NLRC5: variants seen among roughly 807,000 people sequenced by gnomAD.
NLRC5 encodes the protein NLR family CARD domain containing 5.
Under a neutral mutation model 206.9 loss-of-function variants are expected in NLRC5, and 114 were observed. The observed-to-expected ratio is 0.55, with a 90% CI of 0.47 to 0.64. The LOEUF is 0.64. Ranked by LOEUF, NLRC5 falls within the 30% of genes least tolerant of loss-of-function variation. The probability of loss-of-function intolerance (pLI) is 0.00; values close to 1 mark genes in which losing one functional copy is unlikely to be tolerated. For missense variants in NLRC5, 2,008 were observed against 2,305.5 expected (o/e 0.87, Z 2.64); for synonymous variants, 952 against 962.8 (o/e 0.99, Z 0.21).
intron 15 of NLRC5, among the ~76,000 whole-genome samples, chr16:57,039,223 T>C (rs758577947): frequency 6.6e-6 from 1 of 152,228 alleles, no homozygotes; most frequent in Non-Finnish European, 1.5e-5. Flanking sequence ...AGTCTGGGGC[T>C]AAAAGAGAGA....
intron 1 of NLRC5, among the ~76,000 whole-genome samples, chr16:57,011,681 A>G (rs944107550): frequency 6.6e-6 from 1 of 151,404 alleles, no homozygotes; most frequent in South Asian, 2.1e-4. Context: ...TGATTGCACC[A>G]CTGCACTCCA....
chr16:57,006,941 AT>A (rs1386674204), intron 1 of NLRC5, among the ~76,000 whole-genome samples: 13 of 144,816 alleles, frequency 9.0e-5, no homozygotes, highest in East Asian at 4.0e-4. Context: ...GGGAAGTTTC[AT>A]TTTTTTGTGA....
chr16:57,063,316 A>C (rs1291413780), intron 32 of NLRC5, among the ~76,000 whole-genome samples: 2 of 151,594 alleles, frequency 1.3e-5, no homozygotes, highest in South Asian at 4.2e-4. Flanking sequence ...GGGTTTCACC[A>C]TGTTGGCGAG....
intron 1 of NLRC5, among the ~76,000 whole-genome samples, chr16:56,994,784 G>T (rs2057401412): frequency 6.6e-6 from 1 of 151,770 alleles, no homozygotes; most frequent in Non-Finnish European, 1.5e-5. Flanking sequence ...AGAGGAGGGA[G>T]AAGAGGAGAA....
chr16:57,031,798 G>A (rs1192592649), intron 11 of NLRC5, among the ~76,000 whole-genome samples: 1 of 149,336 alleles, frequency 6.7e-6, no homozygotes, highest in Non-Finnish European at 1.5e-5. Flanking sequence ...AAAAGACAGG[G>A]AGGGCAATTA....
chr16:57,042,739 G>A (rs753827537), intron 19 of NLRC5, among the ~76,000 whole-genome samples: 4 of 152,170 alleles, frequency 2.6e-5, no homozygotes, highest in Non-Finnish European at 5.9e-5. Context: ...TCCCCTCTCC[G>A]AGTCCCTGGT....
intron 19 of NLRC5, among the ~76,000 whole-genome samples, chr16:57,042,449 G>A (rs2063404803): frequency 6.6e-6 from 1 of 152,154 alleles, no homozygotes; most frequent in Admixed American, 6.5e-5. Flanking sequence ...TAGACAGGGA[G>A]GGTTTGTACC....
intron 1 of NLRC5, among the ~76,000 whole-genome samples, chr16:57,008,958 G>A (rs1172562884): frequency 6.6e-6 from 1 of 152,114 alleles, no homozygotes; most frequent in African/African-American, 2.4e-5. Flanking sequence ...AAAAAACAAA[G>A]TAAACTAAAT....
chr16:57,021,708 G>A (rs1490286202), intron 3 of NLRC5, among the ~76,000 whole-genome samples: 2 of 152,198 alleles, frequency 1.3e-5, no homozygotes, highest in East Asian at 3.8e-4. Context: ...TTGCAACATG[G>A]TCAGAAACAG....
chr16:57,008,013 T>A (rs1450949869), intron 1 of NLRC5, among the ~76,000 whole-genome samples: 1 of 152,200 alleles, frequency 6.6e-6, no homozygotes, highest in Non-Finnish European at 1.5e-5. Flanking sequence ...TTCATCCAGT[T>A]GTTTTTTTCT....
At chr16:57,080,926 A>G (rs1597473222) in intron 46 of NLRC5, 172 bp from the exon 47 acceptor site, 1 of 580,598 alleles carries the variant, frequency 1.7e-6, no homozygotes, top group Admixed American at 3.1e-5. Context: ...GGAGGAAGGT[A>G]ACCTGCACCC....
chr16:57,077,646 A>T, intron 41 of NLRC5, 73 bp from the exon 42 acceptor site: 1 of 1,439,104 alleles, frequency 6.9e-7, no homozygotes, highest in East Asian at 2.3e-5. Flanking sequence ...CAGGGGTGGC[A>T]GACCCAGCAG....
chr16:57,063,033 C>T (rs2066700563), intron 32 of NLRC5, among the ~76,000 whole-genome samples: 1 of 151,294 alleles, frequency 6.6e-6, no homozygotes, highest in Non-Finnish European at 1.5e-5. Context: ...TTGTGACTGG[C>T]TCATTTCATT....
chr16:57,005,809 A>C (rs1196048668), intron 1 of NLRC5, among the ~76,000 whole-genome samples: 4 of 151,802 alleles, frequency 2.6e-5, no homozygotes, highest in Admixed American at 6.6e-5. Flanking sequence ...AGTCCCAGCT[A>C]CTCAGGAAGC....
intron 23 of NLRC5, among the ~76,000 whole-genome samples, chr16:57,049,419 A>G (rs948386265): frequency 2.0e-5 from 3 of 152,218 alleles, no homozygotes; most frequent in Admixed American, 6.5e-5. Flanking sequence ...AAGGCAAATC[A>G]TCTGCAGAGG....
At chr16:57,002,858 T>G (rs1405603998) in intron 1 of NLRC5, among the ~76,000 whole-genome samples, 1 of 152,072 alleles carries the variant, frequency 6.6e-6, no homozygotes, top group African/African-American at 2.4e-5. Flanking sequence ...TTGGCGAGGA[T>G]GGTCTCAATC....
At chr16:57,065,441 G>A (rs1346877128) in intron 33 of NLRC5, 143 bp downstream of exon 33, 4 of 480,832 alleles carry the variant, frequency 8.3e-6, no homozygotes, top group African/African-American at 2.0e-5. Flanking sequence ...GAGCTCCTGG[G>A]GCATATGTGA....
At chr16:56,993,227 G>T (rs1232135855) in intron 1 of NLRC5, among the ~76,000 whole-genome samples, 1 of 140,410 alleles carries the variant, frequency 7.1e-6, no homozygotes, top group Non-Finnish European at 1.6e-5. Context: ...TATATGTAGT[G>T]TTCTCTAACT....
chr16:57,051,739 C>A, intron 24 of NLRC5, 118 bp downstream of exon 24: 2 of 698,966 alleles, frequency 2.9e-6, no homozygotes, highest in East Asian at 2.6e-5. Context: ...CCCCCTCCAA[C>A]CCCCTCTACC....
Sources: allele counts gnomAD v4.1 joint callset (sites outside exome capture counted in the v4.1 genomes callset), GRCh38; gene constraint gnomAD v4.1.1; transcripts MANE v1.5; gene names NCBI Gene and HGNC (gene_info 2026-07-23, HGNC 2026-07-21).